Variants in SULT1A1 observed in about 807,000 individuals in gnomAD.
SULT1A1 encodes the protein sulfotransferase 1A1.
SULT1A1 carries 35 observed loss-of-function variants against 36.8 expected under a neutral mutation model. The ratio of observed to expected loss-of-function variants is 0.95; its 90% CI spans 0.73 to 1.26. The LOEUF is 1.26. Ranked by LOEUF, SULT1A1 falls within the 50% of genes most tolerant of loss-of-function variation. The pLI is 0.00. For synonymous variants in SULT1A1, 119 were observed against 146.0 expected (o/e 0.82, Z 1.33); for missense variants, 309 against 383.0 (o/e 0.81, Z 1.61).
chr16:28,610,276 T>TG (rs1423770994), upstream of SULT1A1: 15 of 1,119,274 alleles, frequency 1.3e-5, no homozygotes, highest in African/African-American at 1.1e-4. Context: ...TTTTTTTTTT[T>TG]TTTTTTTTTT....
At chr16:28,610,358 C>T (rs13331487), upstream of SULT1A1, 16,625 of 592,776 alleles carry the variant, frequency 0.028, 840 homozygotes, top group African/African-American at 0.19. Flanking sequence ...CAGACAAGCT[C>T]TCTCTAATTG....
intron 6 of SULT1A1, 140 bp from the exon 7 acceptor site, chr16:28,606,376 C>A: frequency 3.4e-6 from 5 of 1,463,272 alleles, no homozygotes; most frequent in African/African-American, 1.4e-5. Flanking sequence ...ACCCCCAGGG[C>A]CCCAGTCCCG....
intron 4 of SULT1A1, 110 bp from the exon 5 acceptor site, chr16:28,607,187 T>G: frequency 6.4e-7 from 1 of 1,551,804 alleles, no homozygotes; most frequent in East Asian, 2.3e-5. Flanking sequence ...GGCTGACTTG[T>G]TTGAGATCTC....
At chr16:28,610,267 T>TTG, upstream of SULT1A1, 2 of 874,634 alleles carry the variant, frequency 2.3e-6, no homozygotes, top group Non-Finnish European at 2.8e-6. Flanking sequence ...TTTTTCTGTT[T>TTG]TTTTTTTTTT....
chr16:28,608,835 G>A lies in SULT1A1; in HGVS notation c.21C>T (p.Thr7=), dbSNP rs751827331. Residue 7 remains threonine, a synonymous_variant, in exon 2 of 8, where the codon ACC becomes ACT. Transcript: ENST00000314752. The part of the protein sequence containing the change: MELIQD[T]SRPPLEYVKG... ...TCACGTACTCCAGTGGCGGGCGGGA[G>A]GTGTCCTGGATCAGCTCCATGTTCC... 6 of 1,611,696 alleles carry A rather than the reference G, an allele frequency of 3.7e-6. No individual in the cohort carries two copies. Among genetic ancestry groups the A allele is most frequent in the Non-Finnish European group, 3.4e-6 (4 of 1,179,490 alleles).
At chr16:28,610,179 A>G (rs1336712299), upstream of SULT1A1, 4 of 1,284,780 alleles carry the variant, frequency 3.1e-6, no homozygotes, top group Non-Finnish European at 4.1e-6. Context: ...CTCCAAAGCC[A>G]CGACTGAGTT....
chr16:28,606,054 A>T lies in SULT1A1; in HGVS notation c.775+2T>A. The T allele has an allele frequency of 8.2e-7, 1 of 1,214,304 alleles. No homozygotes were observed. The highest frequency in any genetic ancestry group is 1.2e-6 in the Non-Finnish European group (1 of 868,540). The allele number at this position is 1,214,304 out of a possible 1,614,324, so 75.2% of individuals were successfully genotyped here. On this transcript the variant is annotated splice_donor_variant, in intron 7 of 7. Coordinates refer to ENST00000314752, the MANE Select transcript of SULT1A1 (RefSeq NM_001055.4). LOFTEE classifies it high-confidence loss of function. ...CAAACCCCCGTGCTGGCCAGCACCCACCTTTCCTCATGAAGGGGGAGATGC... is the reference window on the plus strand; with the variant it reads ...CAAACCCCCGTGCTGGCCAGCACCCTCCTTTCCTCATGAAGGGGGAGATGC...
intron 2 of SULT1A1, among the ~76,000 whole-genome samples, chr16:28,619,516 G>C (rs1236429828): frequency 1.3e-5 from 2 of 152,022 alleles, no homozygotes; most frequent in African/African-American, 4.8e-5. Context: ...AGGAGTTTGA[G>C]GCCAGCCTGT....
chr16:28,605,707 C>T lies in SULT1A1; in HGVS notation c.*114G>A. On this transcript the variant is annotated 3_prime_UTR_variant, in exon 8 of 8. Coordinates refer to ENST00000314752, the MANE Select transcript of SULT1A1 (RefSeq NM_001055.4). ...TCCTCCCACCTCAGCCTCCAAATTG[C>T]TGGGATTACAGACATGACCTACCGT... The T allele has an allele frequency of 1.3e-6, 2 of 1,539,356 alleles. No individual in the cohort carries two copies. Among genetic ancestry groups the T allele is most frequent in the Non-Finnish European group, 1.8e-6 (2 of 1,131,142 alleles).
At chr16:28,607,616 ATTTTAT>A (rs1202122653) in intron 4 of SULT1A1, 2 of 42,860 alleles carry the variant, frequency 4.7e-5, no homozygotes, top group African/African-American at 6.0e-5. Flanking sequence ...ATTTTATTTT[ATTTTAT>A]TTTATTTATT....
intron 2 of SULT1A1, among the ~76,000 whole-genome samples, chr16:28,615,931 T>A (rs1200599243): frequency 3.3e-5 from 5 of 152,166 alleles, no homozygotes; most frequent in Non-Finnish European, 7.3e-5. Flanking sequence ...ACCACTGCTA[T>A]CTAGAAGGCA....
rs181030701 is a variant in SULT1A1 at position 28,605,373 on chromosome 16, C to T, written c.*448G>A. On this transcript the variant is annotated 3_prime_UTR_variant, in exon 8 of 8. Coordinates refer to ENST00000314752, the MANE Select transcript of SULT1A1 (RefSeq NM_001055.4). ...GCAGCCATAACCTCCCTGGCTCAGG[C>T]GATCCTCCTGCCTTCACTTGTCAAG... 573 of 273,740 alleles carry T rather than the reference C, an allele frequency of 2.1e-3. 11 individuals are homozygous for T. Among genetic ancestry groups the T allele is most frequent in the Non-Finnish European group, 3.3e-3 (462 of 139,006 alleles). The allele number at this position is 273,740 out of a possible 1,614,324, so 17.0% of individuals were successfully genotyped here. A position where few individuals can be genotyped will look rare whatever the true frequency, so the allele number is the denominator to read the frequency against.
chr16:28,619,454 A>C (rs1032750714), intron 2 of SULT1A1, among the ~76,000 whole-genome samples: 1 of 152,202 alleles, frequency 6.6e-6, no homozygotes, highest in Non-Finnish European at 1.5e-5. Context: ...TAATTTAGGA[A>C]TAGTTTAATA....
chr16:28,619,960 C>T (rs2047617824), intron 2 of SULT1A1: 3 of 1,003,562 alleles, frequency 3.0e-6, no homozygotes, highest in Non-Finnish European at 1.4e-6. Context: ...CAAAAAGTTA[C>T]TGATTGTATA....
chr16:28,616,126 C>T (rs888522702), intron 2 of SULT1A1, among the ~76,000 whole-genome samples: 2 of 152,196 alleles, frequency 1.3e-5, no homozygotes, highest in African/African-American at 4.8e-5. Flanking sequence ...GCTCGCACTC[C>T]TGTCTTCCGG....
At chr16:28,611,281 A>G (rs2047444051), upstream of SULT1A1, 1 of 152,128 alleles carries the variant, frequency 6.6e-6, no homozygotes, top group African/African-American at 2.4e-5. Flanking sequence ...GAGAAGAAGG[A>G]AACTTGAAAT....
intron 2 of SULT1A1, among the ~76,000 whole-genome samples, chr16:28,615,131 C>T (rs1208858957): frequency 2.9e-5 from 3 of 104,986 alleles, no homozygotes; most frequent in Non-Finnish European, 6.6e-5. Context: ...TCCAACAGCC[C>T]CAGGGCTGCT....
chr16:28,609,859 A>G, intron 1 of SULT1A1, 72 bp downstream of exon 1: 10 of 1,219,716 alleles, frequency 8.2e-6, no homozygotes, highest in Non-Finnish European at 1.1e-5. Flanking sequence ...CAGAGGCCTC[A>G]GCTTCTGGAA....
At chr16:28,623,219 G>T (rs1273125849) in exon 1 of SULT1A1, 1 of 1,545,842 alleles carries the variant, frequency 6.5e-7, no homozygotes, top group Non-Finnish European at 8.7e-7. Context: ...CTCGGCCCGG[G>T]AGCGCGCGCT....
Sources: gnomAD v4.1 joint callset for allele counts (sites outside exome capture counted in the v4.1 genomes callset) on GRCh38, gnomAD v4.1.1 for gene constraint, MANE v1.5 for transcripts, NCBI Gene and HGNC (gene_info 2026-07-23, HGNC 2026-07-21) for gene names.